Variants in MACO1 observed in about 807,000 individuals in gnomAD.
MACO1 encodes macoilin 1.
In MACO1, 14 loss-of-function variants were observed where a neutral mutation model predicts 78.7. That is an observed-to-expected ratio of 0.18 (90% confidence interval 0.12 to 0.28). MACO1 has a LOEUF of 0.28. Among genes scored for constraint, MACO1 ranks in the 10% least tolerant of loss-of-function variants. The pLI is 1.00. For missense variants in MACO1, 501 were observed against 799.0 expected (o/e 0.63, Z 4.50); for synonymous variants, 288 against 291.6 (o/e 0.99, Z 0.12).
intron 2 of MACO1, 67 bp downstream of exon 2, chr1:25,446,970 G>A: frequency 1.3e-6 from 2 of 1,523,678 alleles, no homozygotes; most frequent in Non-Finnish European, 1.8e-6. Context: ...GATGTTATTA[G>A]CAATACTCAG....
chr1:25,434,738 T>C (rs1388853588), intron 1 of MACO1, among the ~76,000 whole-genome samples: 1 of 152,148 alleles, frequency 6.6e-6, no homozygotes, highest in African/African-American at 2.4e-5. Context: ...TGAACATAAG[T>C]TATTAAGTAC....
chr1:25,453,146 C>T (rs1226315546), intron 3 of MACO1, among the ~76,000 whole-genome samples: 2 of 151,258 alleles, frequency 1.3e-5, no homozygotes, highest in African/African-American at 2.4e-5. Context: ...GCTGAGATTA[C>T]AGGCGCCTGC....
chr1:25,438,386 C>A (rs1044294108), intron 1 of MACO1, among the ~76,000 whole-genome samples: 2 of 152,180 alleles, frequency 1.3e-5, no homozygotes, highest in Non-Finnish European at 2.9e-5. Flanking sequence ...TGTAACTTTT[C>A]CAAATGTTTT....
rs1432940082 is a variant in MACO1 at position 25,458,499 on chromosome 1, A to C, written c.761A>C (p.Glu254Ala). 6.2e-7 allele frequency: 1 copy of C among 1,614,048 alleles called. No homozygotes were observed. The highest frequency in any genetic ancestry group is 8.5e-7 in the Non-Finnish European group (1 of 1,179,996). Residue 254 changes from glutamate (E) to alanine (A), a missense_variant, in exon 6 of 11, where the codon GAA (glutamate) becomes GCA (alanine). By Grantham distance (107) the Glu-to-Ala change is moderately radical. Transcript: ENST00000374343. ...ACTTTGCCAGAGATAGAATACCGAG[A>C]AAAAGGGAAAGAAAAGGACAAGGAT... ...STTLPEIEYR[E>A]KGKEKDKDAK...
intron 6 of MACO1, among the ~76,000 whole-genome samples, chr1:25,471,466 ATTGT>A (rs1398931198): frequency 5.9e-5 from 9 of 152,318 alleles, no homozygotes; most frequent in African/African-American, 2.2e-4. Flanking sequence ...TACTTTCTGC[ATTGT>A]TTATTTCTGC....
intron 4 of MACO1, among the ~76,000 whole-genome samples, chr1:25,455,236 T>C (rs932502336): frequency 2.0e-5 from 3 of 152,176 alleles, no homozygotes; most frequent in South Asian, 2.1e-4. Context: ...ATATTATTTC[T>C]CTTTATGTTA....
intron 1 of MACO1, among the ~76,000 whole-genome samples, chr1:25,434,233 A>G (rs2042900303): frequency 6.6e-6 from 1 of 152,240 alleles, no homozygotes; most frequent in Admixed American, 6.5e-5. Context: ...TAAAAATAGG[A>G]GAAAGGAAAT....
chr1:25,457,838 T>C lies in MACO1; in HGVS notation c.653-553T>C, dbSNP rs554746184. ...GAATGTGTAGACCCAATACACAAAA[T>C]TCTTTCTGAGTGGTCTGGTAAATGA... On this transcript the variant is annotated intron_variant, in intron 5 of 10. Coordinates refer to ENST00000374343, the MANE Select transcript of MACO1 (RefSeq NM_018202.6). 2.0e-5 allele frequency among the ~76,000 whole-genome samples: 3 copies of C among 152,354 alleles called. No individual in the cohort carries two copies. The South Asian group carries it at 6.2e-4, about 32-fold the overall frequency.
At chr1:25,478,138 A>C (rs565932047) in intron 6 of MACO1, among the ~76,000 whole-genome samples, 8 of 152,300 alleles carry the variant, frequency 5.3e-5, no homozygotes, top group Non-Finnish European at 5.9e-5. Flanking sequence ...CCAGCTACTC[A>C]GGAGGCTGAG....
chr1:25,471,126 G>A (rs1426889605), intron 6 of MACO1, among the ~76,000 whole-genome samples: 1 of 152,056 alleles, frequency 6.6e-6, no homozygotes, highest in Non-Finnish European at 1.5e-5. Flanking sequence ...ATCACATAAG[G>A]CCAGGAGTTC....
intron 1 of MACO1, among the ~76,000 whole-genome samples, chr1:25,438,318 G>A (rs2042937543): frequency 6.6e-6 from 1 of 152,192 alleles, no homozygotes. Flanking sequence ...TCAAAATTAT[G>A]CTTCATATAA....
rs145730478 is a variant in MACO1, at chr1:25,438,924, A to T, written c.80+7746A>T. 9.4e-3 allele frequency among the ~76,000 whole-genome samples: 1,400 copies of T among 148,532 alleles called. 19 individuals are homozygous for T. The highest frequency in any genetic ancestry group is 0.032 in the African/African-American group (1,282 of 40,522). On this transcript the variant is annotated intron_variant, in intron 1 of 10. Coordinates refer to ENST00000374343, the MANE Select transcript of MACO1 (RefSeq NM_018202.6). ...GAAAAATAAAATAAAATAAAAAACT[A>T]AAAAAAAAAGAAGTGGACATGTCAA...
Position 25,431,928 on chromosome 1 carries a change from T to TCC in MACO1, c.80+751_80+752insCC, listed in dbSNP as rs1198377480. On this transcript the variant is annotated intron_variant, in intron 1 of 10. Transcript: ENST00000374343. ...TTCTCCAAACTCTTTTTTTTTTTTT[T>TCC]CATCCGCAAGAAAAGCAGTGTCCCT... Among the ~76,000 whole-genome samples, 73 of 150,560 alleles carry TCC rather than the reference T, an allele frequency of 4.8e-4. 3 individuals carry two copies. The highest frequency in any genetic ancestry group is 2.7e-3 in the Admixed American group (41 of 15,214).
chr1:25,486,810 G>A (rs1042082815), intron 8 of MACO1, among the ~76,000 whole-genome samples: 5 of 152,318 alleles, frequency 3.3e-5, no homozygotes, highest in Non-Finnish European at 7.3e-5. Context: ...TGGCCCATCA[G>A]CATCTATACA....
chr1:25,435,652 G>A (rs1463842142), intron 1 of MACO1, among the ~76,000 whole-genome samples: 1 of 152,184 alleles, frequency 6.6e-6, no homozygotes, highest in African/African-American at 2.4e-5. Flanking sequence ...TGAAACCCCA[G>A]ATACCTGTGT....
intron 1 of MACO1, among the ~76,000 whole-genome samples, chr1:25,443,550 A>C (rs939134322): frequency 6.6e-6 from 1 of 152,168 alleles, no homozygotes; most frequent in African/African-American, 2.4e-5. Flanking sequence ...TTTGAAAAGA[A>C]ATGTATCAAA....
chr1:25,471,606 A>G (rs2043272279), intron 6 of MACO1, among the ~76,000 whole-genome samples: 1 of 152,230 alleles, frequency 6.6e-6, no homozygotes, highest in Admixed American at 6.5e-5. Context: ...GTAGATACTC[A>G]GTAAATACTT....
intron 2 of MACO1, among the ~76,000 whole-genome samples, chr1:25,448,292 G>A (rs1420221662): frequency 6.6e-6 from 1 of 152,106 alleles, no homozygotes; most frequent in African/African-American, 2.4e-5. Flanking sequence ...GTGAAACCCT[G>A]TCTCTACTAA....
At chr1:25,484,049 C>G in intron 6 of MACO1, 67 bp from the exon 7 acceptor site, 2 of 1,510,776 alleles carry the variant, frequency 1.3e-6, no homozygotes, top group Non-Finnish European at 1.8e-6. Context: ...AGGACCCCCA[C>G]CAGGTCCCTC....
Sources: allele counts gnomAD v4.1 joint callset (sites outside exome capture counted in the v4.1 genomes callset), GRCh38; gene constraint gnomAD v4.1.1; transcripts MANE v1.5; gene names NCBI Gene and HGNC (gene_info 2026-07-23, HGNC 2026-07-21).